The following PALB2 variants were observed in gnomAD, a reference collection of about 807,000 sequenced individuals.
The protein encoded by PALB2 is mutant partner and localizer of BRCA2.
Under a neutral mutation model 107.4 loss-of-function variants are expected in PALB2, and 82 were observed. That is an observed-to-expected ratio of 0.76 (90% confidence interval 0.64 to 0.92). The LOEUF is 0.92. PALB2 is among the 40% of genes least tolerant of loss of function. The pLI is 0.00. For synonymous variants in PALB2, 489 were observed against 496.8 expected (o/e 0.98, Z 0.21); for missense variants, 1,374 against 1,379.9 (o/e 1.00, Z 0.07).
Position 23,619,524 on chromosome 16 carries a change from A to C in PALB2, c.3113+1838T>G, listed in dbSNP as rs555899230. On this transcript the variant is annotated intron_variant, in intron 10 of 12. Transcript: ENST00000261584. ...TCTTTAGTAGAGACGAGGTATCTTT[A>C]GTAGAGATGGGGTATCTTTAGTAGA... Among the ~76,000 whole-genome samples, 87 of 151,568 alleles carry C rather than the reference A, an allele frequency of 5.7e-4. 1 individual carries two copies. The highest frequency in any genetic ancestry group is 2.1e-3 in the African/African-American group (86 of 41,300).
Position 23,626,373 on chromosome 16 carries a change from C to T in PALB2, c.2611G>A (p.Asp871Asn), listed in dbSNP as rs2142356146. 1 of 1,614,210 alleles carries T rather than the reference C, an allele frequency of 6.2e-7. No homozygotes were observed. The highest frequency in any genetic ancestry group is 1.1e-5 in the South Asian group (1 of 91,078). ...CTTTCCCAAAACATGGCACTCACAT[C>T]TACGGAACAGGAACCTGAAGGATTC... is the stretch of plus-strand genomic sequence containing the variant. ...LKNPSGSCSV[D>N]VSAMFWERAG... Residue 871 changes from aspartate (D) to asparagine (N), a missense_variant, in exon 7 of 13, where the codon GAT (aspartate) becomes AAT (asparagine). Coordinates refer to ENST00000261584, the MANE Select transcript of PALB2 (RefSeq NM_024675.4).
chr16:23,619,701 T>G (rs1966740382), intron 10 of PALB2, among the ~76,000 whole-genome samples: 1 of 152,174 alleles, frequency 6.6e-6, no homozygotes, highest in African/African-American at 2.4e-5. Context: ...AAAAAGGAAT[T>G]TTAACATTTA....
chr16:23,622,387 T>TTGTGTG (rs142078087), intron 9 of PALB2, among the ~76,000 whole-genome samples: 3 of 148,822 alleles, frequency 2.0e-5, no homozygotes, highest in Non-Finnish European at 4.5e-5. Flanking sequence ...TTAAAAATAT[T>TTGTGTG]TGTGTGTGTG....
rs2142411421 is a variant in PALB2 at position 23,634,943 on chromosome 16, T to C, written c.1603A>G (p.Ser535Gly). The change falls in exon 4 of 13, where the codon AGC (serine) becomes GGC (glycine). Residue 535 changes from serine to glycine, a missense_variant. Transcript: ENST00000261584. ...TTGGACCTGTTAACAATCGACAGGCTAGAAGTTGGCAAAAGTGGTTCACAA... is the reference window on the plus strand; with the variant it reads ...TTGGACCTGTTAACAATCGACAGGCCAGAAGTTGGCAAAAGTGGTTCACAA... The part of the protein sequence containing the change: ...DHCEPLLPTS[S>G]LSIVNRSKEE... The C allele has an allele frequency of 1.2e-6, 2 of 1,614,210 alleles. No homozygotes were observed. Among genetic ancestry groups the C allele is most frequent in the East Asian group, 2.2e-5 (1 of 44,884 alleles).
Position 23,629,842 on chromosome 16 carries a change from C to T in PALB2, c.2312G>A (p.Ser771Asn), listed in dbSNP as rs2142375855. The change falls in exon 5 of 13, where the codon AGT becomes AAT. Residue 771 changes from serine (S) to asparagine (N), a missense_variant. Physicochemically the swap from Ser to Asn is conservative, Grantham distance 46 (BLOSUM62 1). Transcript: ENST00000261584. ...AHLKDSVCLA[S>N]DTKQFDSSGS... Reference sequence around the variant, plus strand: ...TGAACTGTCGAATTGTTTAGTATCACTGGCAAGACAGACTGAGTCTTTCAA... The same window carrying T: ...TGAACTGTCGAATTGTTTAGTATCATTGGCAAGACAGACTGAGTCTTTCAA... 6.2e-7 allele frequency: 1 copy of T among 1,614,160 alleles called. No individual in the cohort carries two copies. The highest frequency in any genetic ancestry group is 8.5e-7 in the Non-Finnish European group (1 of 1,180,040).
chr16:23,611,777 A>G (rs771223278), intron 11 of PALB2, among the ~76,000 whole-genome samples: 1 of 152,088 alleles, frequency 6.6e-6, no homozygotes, highest in Non-Finnish European at 1.5e-5. Flanking sequence ...TTTTTGGGAC[A>G]GGGTCTCACT....
At position 23,635,847 on chromosome 16, in the gene PALB2, A is replaced by G; in HGVS notation, c.699T>C (p.Val233=). 1 of 1,614,160 alleles carries G rather than the reference A, an allele frequency of 6.2e-7. No homozygotes were observed. Among genetic ancestry groups the G allele is most frequent in the East Asian group, 2.2e-5 (1 of 44,866 alleles). The part of the protein sequence containing the change: ...IPPTAQPEKG[V]DTFLRRPNFT... ...AATTAGGTCTTCTTAGGAATGTATC[A>G]ACACCTTTTTCTGGTTGGGCAGTTG... Residue 233 remains valine (V), a synonymous_variant, in exon 4 of 13, where the codon GTT becomes GTC. Coordinates refer to ENST00000261584, the MANE Select transcript of PALB2 (RefSeq NM_024675.4).
intron 10 of PALB2, among the ~76,000 whole-genome samples, chr16:23,618,002 A>C (rs1368986344): frequency 6.6e-6 from 1 of 151,930 alleles, no homozygotes; most frequent in Non-Finnish European, 1.5e-5. Context: ...ACAAAGAAAA[A>C]GAAAAAGAAA....
At chr16:23,610,007 C>T (rs1966556037) in intron 11 of PALB2, among the ~76,000 whole-genome samples, 1 of 152,080 alleles carries the variant, frequency 6.6e-6, no homozygotes, top group African/African-American at 2.4e-5. Flanking sequence ...GGCTAATAAA[C>T]TAAGAATGTT....
rs150585579 is a variant in PALB2 at position 23,630,077 on chromosome 16, G to A, written c.2077C>T (p.His693Tyr). Residue 693 changes from histidine to tyrosine, a missense_variant, in exon 5 of 13, where the codon CAT becomes TAT. By Grantham distance (83) the His-to-Tyr change is moderately conservative. Transcript: ENST00000261584. ...GATGAAGAAAGGCCCGTCTTTGTAT[G>A]CTGGCTTTGCGAGTTTGGCCTTTTG... The part of the protein sequence containing the change: ...HPKRPNSQSQ[H>Y]TKTGLSSSIL... 1.2e-6 allele frequency: 2 copies of A among 1,614,170 alleles called. No individual in the cohort carries two copies. Among genetic ancestry groups the A allele is most frequent in the East Asian group, 2.2e-5 (1 of 44,888 alleles).
At chr16:23,629,386 A>G in intron 5 of PALB2, 111 bp from the exon 6 acceptor site, 2 of 1,056,222 alleles carry the variant, frequency 1.9e-6, no homozygotes, top group East Asian at 2.4e-5. Context: ...CTCTTATAAC[A>G]GCAGCAAAGC....
Position 23,629,545 on chromosome 16 carries a change from G to A in PALB2, c.2514+95C>T, listed in dbSNP as rs141593714. 2,000 of 1,203,666 alleles carry A rather than the reference G, an allele frequency of 1.7e-3. 15 individuals are homozygous for A. The highest frequency in any genetic ancestry group is 4.0e-4 in the Non-Finnish European group (324 of 816,634). 74.6% of individuals were successfully genotyped at this position (1,203,666 alleles called of 1,614,324 possible). Reference sequence around the variant, plus strand: ...GAAACACGTCAAACCATTCTTAAACGTGGAAGGCCCAATGCGCAAGCAAGT... The same window carrying A: ...GAAACACGTCAAACCATTCTTAAACATGGAAGGCCCAATGCGCAAGCAAGT... On this transcript the variant is annotated intron_variant, in intron 5 of 12. Transcript: ENST00000261584.
chr16:23,629,046 T>C (rs913061357), intron 6 of PALB2, among the ~76,000 whole-genome samples, 158 bp downstream of exon 6: 3 of 152,204 alleles, frequency 2.0e-5, no homozygotes, highest in East Asian at 1.9e-4. Context: ...GAGGTAAATA[T>C]TGGGAAAAAT....
At position 23,635,532 on chromosome 16, in the gene PALB2, TGGTAAGTTATTGTA is replaced by T. The variant is rs1967001584; in HGVS notation, c.1000_1013del (p.Tyr334SerfsTer3). On this transcript the variant is annotated frameshift_variant, in exon 4 of 13. Transcript: ENST00000261584. LOFTEE classifies it high-confidence loss of function. ...CTTTTAAGTTTTGGTTTTCATTTGCTGGTAAGTTATTGTAGGTGAGTTCATTTAGAGAACATGAA... is the reference window on the plus strand; with the variant it reads ...CTTTTAAGTTTTGGTTTTCATTTGCTGGTGAGTTCATTTAGAGAACATGAA... 6.2e-7 allele frequency: 1 copy of T among 1,613,792 alleles called. No homozygotes were observed. Among genetic ancestry groups the T allele is most frequent in the Non-Finnish European group, 8.5e-7 (1 of 1,179,874 alleles).
At position 23,630,041 on chromosome 16, in the gene PALB2, A is replaced by G. The variant is rs2142380766; in HGVS notation, c.2113T>C (p.Tyr705His). The change falls in exon 5 of 13, where the codon TAT becomes CAT. Residue 705 changes from tyrosine to histidine, a missense_variant. By Grantham distance (83) the Tyr-to-His change is moderately conservative (BLOSUM62 2). Coordinates refer to ENST00000261584, the MANE Select transcript of PALB2 (RefSeq NM_024675.4). ...KTGLSSSILL[Y>H]TPLNTVAPDD... is the part of the protein sequence containing the mutation. ...GGCGCAACCGTATTTAAAGGAGTAT[A>G]AAGTAATATGGATGAAGAAAGGCCC... is the stretch of plus-strand genomic sequence containing the variant. The G allele has an allele frequency of 1.2e-6, 2 of 1,614,160 alleles. No homozygotes were observed. The highest frequency in any genetic ancestry group is 1.7e-6 in the Non-Finnish European group (2 of 1,180,030).
At chr16:23,611,522 A>G (rs1021191190) in intron 11 of PALB2, among the ~76,000 whole-genome samples, 5 of 149,962 alleles carry the variant, frequency 3.3e-5, no homozygotes, top group Non-Finnish European at 7.4e-5. Context: ...GCAGTGGCAC[A>G]CTCTCGGCTC....
At chr16:23,614,289 A>T (rs1966640823) in intron 10 of PALB2, among the ~76,000 whole-genome samples, 198 bp from the exon 11 acceptor site, 2 of 152,202 alleles carry the variant, frequency 1.3e-5, no homozygotes, top group Non-Finnish European at 2.9e-5. Context: ...TTGATAGTTC[A>T]GCCTTAGATT....
chr16:23,630,013 T>G lies in PALB2; in HGVS notation c.2141A>C (p.Asp714Ala), dbSNP rs1376899987. The stretch of plus-strand genomic sequence containing the variant: ...GTCTGTGGTAGGCCTGTCATTATCA[T>G]CAGGCGCAACCGTATTTAAAGGAGT... ...LYTPLNTVAP[D>A]DNDRPTTDMC... Residue 714 changes from aspartate to alanine, a missense_variant, in exon 5 of 13, where the codon GAT (aspartate) becomes GCT (alanine). Coordinates refer to ENST00000261584, the MANE Select transcript of PALB2 (RefSeq NM_024675.4). 1 of 1,614,138 alleles carries G rather than the reference T, an allele frequency of 6.2e-7. No individual in the cohort carries two copies. The highest frequency in any genetic ancestry group is 1.3e-5 in the African/African-American group (1 of 75,058).
intron 4 of PALB2, among the ~76,000 whole-genome samples, chr16:23,633,691 A>G (rs530243157): frequency 2.0e-5 from 3 of 152,098 alleles, no homozygotes; most frequent in Non-Finnish European, 4.4e-5. Flanking sequence ...TAAAAGAGAT[A>G]GTCAGTGGAG....
Sources: gnomAD v4.1 joint callset for allele counts (sites outside exome capture counted in the v4.1 genomes callset) on GRCh38, gnomAD v4.1.1 for gene constraint, MANE v1.5 for transcripts, NCBI Gene and HGNC (gene_info 2026-07-23, HGNC 2026-07-21) for gene names.